The following ADAM12 variants were observed in gnomAD, a reference collection of about 807,000 sequenced individuals.
The protein encoded by ADAM12 is ADAM metallopeptidase domain 12, also known as disintegrin and metalloproteinase domain-containing protein 12.
A neutral mutation model predicts 106.4 loss-of-function variants in ADAM12; 70 were observed. The ratio of observed to expected loss-of-function variants is 0.66; its 90% CI spans 0.54 to 0.80. ADAM12 has a LOEUF of 0.80. ADAM12 is among the 30% of genes least tolerant of loss of function. The pLI is 0.00. For synonymous variants in ADAM12, 420 were observed against 433.5 expected (o/e 0.97, Z 0.39); for missense variants, 1,010 against 1,171.9 (o/e 0.86, Z 2.02).
Position 126,100,929 on chromosome 10 carries a change from C to G in ADAM12, c.911+143G>C, listed in dbSNP as rs1030840516. 9 of 809,790 alleles carry G rather than the reference C, an allele frequency of 1.1e-5. No individual in the cohort carries two copies. The African/African-American group carries it at 1.4e-4, about 12-fold the overall frequency. The allele number at this position is 809,790 out of a possible 1,614,324, so 50.2% of individuals were successfully genotyped here. On this transcript the variant is annotated intron_variant, in intron 9 of 22. Transcript: ENST00000448723. Reference sequence around the variant, plus strand: ...TCCAGGTGAGGGTGGCATCTGCCCCCCTGGTGTGAGCTGAGAAGCCCCCTT... The same window carrying G: ...TCCAGGTGAGGGTGGCATCTGCCCCGCTGGTGTGAGCTGAGAAGCCCCCTT...
chr10:126,032,065 T>C (rs117149797), intron 21 of ADAM12, among the ~76,000 whole-genome samples: 99 of 152,206 alleles, frequency 6.5e-4, no homozygotes, highest in Non-Finnish European at 1.3e-3. Context: ...AAACAGAACA[T>C]TTATAGAAAA....
chr10:126,270,875 T>C (rs1027843557), intron 3 of ADAM12, among the ~76,000 whole-genome samples: 3 of 152,150 alleles, frequency 2.0e-5, no homozygotes, highest in Admixed American at 6.5e-5. Context: ...GGCTCCAGCT[T>C]AGAATTCAGT....
chr10:126,017,217 C>T lies in ADAM12; in HGVS notation c.*62G>A. 1 of 1,435,190 alleles carries T rather than the reference C, an allele frequency of 7.0e-7. No individual in the cohort carries two copies. The highest frequency in any genetic ancestry group is 9.4e-7 in the Non-Finnish European group (1 of 1,061,050). 88.9% of individuals were successfully genotyped at this position (1,435,190 alleles called of 1,614,324 possible). A position where few individuals can be genotyped will look rare whatever the true frequency, so the allele number is the denominator to read the frequency against. ...TCCTAAAAGTTGGTACAAAAAACTC[C>T]AACTGGAGCTGAAAGATAGTGCAAA... is the stretch of plus-strand genomic sequence containing the variant. On this transcript the variant is annotated 3_prime_UTR_variant, in exon 23 of 23. Transcript: ENST00000448723.
At chr10:126,342,551 A>G (rs1854966206) in intron 1 of ADAM12, among the ~76,000 whole-genome samples, 1 of 152,164 alleles carries the variant, frequency 6.6e-6, no homozygotes, top group Non-Finnish European at 1.5e-5. Context: ...TCCTTGCTTC[A>G]TCTTACATAG....
intron 2 of ADAM12, among the ~76,000 whole-genome samples, chr10:126,303,919 A>C (rs1419040503): frequency 6.6e-6 from 1 of 152,218 alleles, no homozygotes; most frequent in Non-Finnish European, 1.5e-5. Context: ...TTGACAGTAG[A>C]CTATGAATAC....
intron 3 of ADAM12, among the ~76,000 whole-genome samples, chr10:126,175,654 G>A (rs946730107): frequency 4.6e-5 from 7 of 152,320 alleles, no homozygotes; most frequent in East Asian, 1.9e-4. Flanking sequence ...TTCGAGTGGC[G>A]AGAGAGGGAC....
chr10:126,189,863 C>T (rs145892684), intron 3 of ADAM12, among the ~76,000 whole-genome samples: 99 of 152,226 alleles, frequency 6.5e-4, no homozygotes, highest in Admixed American at 1.4e-3. Flanking sequence ...GACGGCATTG[C>T]GGTAATCCCC....
In ADAM12 at chr10:126,151,571, T is replaced by G. The variant is rs1359201741; in HGVS notation, c.339+3656A>C. On this transcript the variant is annotated intron_variant, in intron 4 of 22. Coordinates refer to ENST00000448723, the MANE Select transcript of ADAM12 (RefSeq NM_001288973.2). ...AAACTAGTCTGTAGGATTCATTTTGTGCATGCTCTTTTTCTTGTTTTAGAA... is the reference window on the plus strand; with the variant it reads ...AAACTAGTCTGTAGGATTCATTTTGGGCATGCTCTTTTTCTTGTTTTAGAA... Among the ~76,000 whole-genome samples, 4 of 152,146 alleles carry G rather than the reference T, an allele frequency of 2.6e-5. No individual in the cohort carries two copies. In the East Asian group the frequency reaches 7.7e-4, roughly 29 times the overall value.
chr10:126,296,410 C>G (rs1417191494), intron 2 of ADAM12, among the ~76,000 whole-genome samples: 1 of 152,204 alleles, frequency 6.6e-6, no homozygotes, highest in Non-Finnish European at 1.5e-5. Context: ...ACTAGGATTA[C>G]AGGTGTGAGC....
Position 126,042,028 on chromosome 10 carries a change from G to A in ADAM12, c.2104+1012C>T, listed in dbSNP as rs376701189. On this transcript the variant is annotated intron_variant, in intron 18 of 22. Coordinates refer to ENST00000448723, the MANE Select transcript of ADAM12 (RefSeq NM_001288973.2). The stretch of plus-strand genomic sequence containing the variant: ...GTGTTGTGTCTGTTGTCATGGAAAC[G>A]ATGGCAAAGCCACAGAGTCAATGCT... 9.0e-5 allele frequency: 133 copies of A among 1,482,660 alleles called. No homozygotes were observed. The African/African-American group carries it at 1.5e-3, about 17-fold the overall frequency. The allele number at this position is 1,482,660 out of a possible 1,614,324, so 91.8% of individuals were successfully genotyped here. A position where few individuals can be genotyped will look rare whatever the true frequency, so the allele number is the denominator to read the frequency against.
At chr10:126,174,008 ATTTTTTTTTTTTTTT>A (rs200354475) in intron 3 of ADAM12, among the ~76,000 whole-genome samples, 95 of 90,470 alleles carry the variant, frequency 1.1e-3, no homozygotes, top group African/African-American at 4.9e-3. Context: ...TCTGTTGTTG[ATTTTTTTTTTTTTTT>A]TTTTTTTTTT....
In ADAM12 at chr10:126,347,789, GA is replaced by G. The variant is rs565625288; in HGVS notation, c.89-17281del. On this transcript the variant is annotated intron_variant, in intron 1 of 22. Transcript: ENST00000448723. Reference sequence around the variant, plus strand: ...TAGCCTGTTTTTCTCTTATTTATTTGAAACTTTATGTGTTAAGAATATTAAA... The same window carrying G: ...TAGCCTGTTTTTCTCTTATTTATTTGAACTTTATGTGTTAAGAATATTAAA... 7.3e-3 allele frequency among the ~76,000 whole-genome samples: 1,111 copies of G among 152,126 alleles called. 15 individuals are homozygous for G. The highest frequency in any genetic ancestry group is 0.025 in the African/African-American group (1,036 of 41,468).
intron 5 of ADAM12, among the ~76,000 whole-genome samples, chr10:126,124,315 C>T (rs1213726820): frequency 1.3e-5 from 2 of 150,690 alleles, no homozygotes; most frequent in East Asian, 1.9e-4. Context: ...TGGAGCAACT[C>T]CTGGGTAAAA....
intron 3 of ADAM12, among the ~76,000 whole-genome samples, chr10:126,260,090 C>T (rs1958970295): frequency 1.3e-5 from 2 of 152,164 alleles, no homozygotes; most frequent in African/African-American, 4.8e-5. Flanking sequence ...CTACAAGGGC[C>T]CCAGCATTTC....
rs544128977 is a variant in ADAM12, at chr10:126,064,429, A to G, written c.1609+377T>C. 2.1e-4 allele frequency among the ~76,000 whole-genome samples: 32 copies of G among 152,308 alleles called. 1 individual carries two copies. Among genetic ancestry groups the G allele is most frequent in the African/African-American group, 6.5e-4 (27 of 41,566 alleles). On this transcript the variant is annotated intron_variant, in intron 14 of 22. Transcript: ENST00000448723. The surrounding 1 kb of genome is among the most constrained non-coding windows in gnomAD (Gnocchi z 4.4). The stretch of plus-strand genomic sequence containing the variant: ...GCTATGCTATCTGAGGGCAGGAGTC[A>G]TGGTGGATTCATCCCTGCCATCCCT...
At chr10:126,091,695 G>C (rs1307036096) in intron 11 of ADAM12, among the ~76,000 whole-genome samples, 1 of 152,148 alleles carries the variant, frequency 6.6e-6, no homozygotes, top group African/African-American at 2.4e-5. Flanking sequence ...GGGGCGATCT[G>C]GCTTGCATTC....
At chr10:126,243,477 G>A (rs1412649635) in intron 3 of ADAM12, among the ~76,000 whole-genome samples, 2 of 119,624 alleles carry the variant, frequency 1.7e-5, no homozygotes, top group Admixed American at 1.9e-4. Context: ...GCAACTCTGT[G>A]TGTGTGAGTG....
At position 126,317,035 on chromosome 10, in the gene ADAM12, G is replaced by A. The variant is rs1012740562; in HGVS notation, c.186+13377C>T. Among the ~76,000 whole-genome samples, 12 of 152,246 alleles carry A rather than the reference G, an allele frequency of 7.9e-5. 1 individual carries two copies. The highest frequency in any genetic ancestry group is 2.6e-4 in the African/African-American group (11 of 41,550). On this transcript the variant is annotated intron_variant, in intron 2 of 22. Transcript: ENST00000448723. ...GCTTTTATAATTAGGTTAAATTCAC[G>A]CTGGTGGGTCCTGGGTGACTGAAGT...
At chr10:126,273,191 C>T (rs1256300635) in intron 3 of ADAM12, 1 of 153,540 alleles carries the variant, frequency 6.5e-6, no homozygotes, top group East Asian at 1.9e-4. Flanking sequence ...GAAAGAATAT[C>T]CCATGTGCCA....
Sources: allele counts gnomAD v4.1 joint callset (sites outside exome capture counted in the v4.1 genomes callset), GRCh38; gene constraint gnomAD v4.1.1; non-coding constraint Gnocchi (gnomAD v3.1); transcripts MANE v1.5; gene names NCBI Gene and HGNC (gene_info 2026-07-23, HGNC 2026-07-21).